Variants in NTRK2 observed in about 807,000 individuals in gnomAD.
NTRK2 encodes the protein BDNF/NT-3 growth factors receptor.
A neutral mutation model predicts 94.5 loss-of-function variants in NTRK2; 13 were observed. That is an observed-to-expected ratio of 0.14 (90% CI 0.09 to 0.22). The LOEUF (loss-of-function observed/expected upper bound fraction) is 0.22, where lower values mean the gene tolerates loss of function less well. NTRK2 is among the 10% of genes least tolerant of loss of function. The pLI, the probability that NTRK2 is intolerant of heterozygous loss-of-function variation, is 1.00. For synonymous variants in NTRK2, 372 were observed against 407.4 expected (o/e 0.91, Z 1.05); for missense variants, 639 against 1,071.2 (o/e 0.60, Z 5.63).
At chr9:84,832,606 G>A (rs945382069) in intron 12 of NTRK2, among the ~76,000 whole-genome samples, 3 of 152,152 alleles carry the variant, frequency 2.0e-5, no homozygotes, top group Admixed American at 1.3e-4. Flanking sequence ...TCGTTGTTGC[G>A]TGTGATAAAC....
At chr9:84,813,521 T>C (rs1407247815) in intron 12 of NTRK2, 2 of 1,065,294 alleles carry the variant, frequency 1.9e-6, no homozygotes, top group Non-Finnish European at 2.3e-6. Context: ...GACATTGCCA[T>C]TGAGGGCTTT....
At chr9:84,668,913 A>C (rs558270267), upstream of NTRK2, 4 of 152,208 alleles carry the variant, frequency 2.6e-5, no homozygotes, top group African/African-American at 9.6e-5. Flanking sequence ...GCGGCGCCAC[A>C]CATCGGACAG....
At chr9:85,019,833 A>C (rs1241884770) in intron 17 of NTRK2, among the ~76,000 whole-genome samples, 1 of 152,200 alleles carries the variant, frequency 6.6e-6, no homozygotes, top group East Asian at 1.9e-4. Context: ...TTGGATGCAG[A>C]GTACCTCTTT....
At chr9:84,803,421 G>T (rs376899970) in intron 12 of NTRK2, among the ~76,000 whole-genome samples, 1 of 152,224 alleles carries the variant, frequency 6.6e-6, no homozygotes, top group African/African-American at 2.4e-5. Flanking sequence ...CTGCAGCAGC[G>T]TCAGAAGCAG....
intron 12 of NTRK2, among the ~76,000 whole-genome samples, chr9:84,842,272 C>A (rs145670248): frequency 2.6e-5 from 4 of 152,284 alleles, no homozygotes; most frequent in African/African-American, 9.6e-5. Flanking sequence ...TACTCTTCAC[C>A]CTCCTGATCT....
At chr9:84,810,473 A>G (rs1191395761) in intron 12 of NTRK2, 5 of 1,354,540 alleles carry the variant, frequency 3.7e-6, no homozygotes, top group East Asian at 2.4e-5. Context: ...AAGTTATTGT[A>G]CTTGTATGTT....
chr9:84,965,348 C>G (rs912593117), intron 17 of NTRK2, among the ~76,000 whole-genome samples: 2 of 152,146 alleles, frequency 1.3e-5, no homozygotes, highest in African/African-American at 2.4e-5. Flanking sequence ...GTATTCTGTT[C>G]CCCAAGGAAA....
intron 12 of NTRK2, among the ~76,000 whole-genome samples, chr9:84,797,760 C>G (rs1420658374): frequency 7.2e-5 from 1 of 13,822 alleles, no homozygotes; most frequent in African/African-American, 2.1e-4. Flanking sequence ...ATTATATATA[C>G]TATAATAATA....
intron 17 of NTRK2, among the ~76,000 whole-genome samples, chr9:85,018,989 G>T (rs1478396810): frequency 6.6e-6 from 1 of 152,122 alleles, no homozygotes; most frequent in Non-Finnish European, 1.5e-5. Flanking sequence ...AGAGAAGAAT[G>T]AAATAAAATA....
chr9:84,867,425 G>A lies in NTRK2; in HGVS notation c.1627G>A (p.Asp543Asn), dbSNP rs2132061278. ...FGITNSQLKP[D>N]TFVQHIKRHN... ...CATCACCAACAGTCAGCTCAAGCCA[G>A]ACACATGTAAGTACAGCTGTTTGTA... Residue 543 changes from aspartate (D) to asparagine (N), a missense_variant, in exon 14 of 19, where the codon GAC becomes AAC. By Grantham distance (23) the Asp-to-Asn change is conservative (BLOSUM62 1). This residue lies in a region of NTRK2 where 343 missense variants were observed against 571.5 expected (regional missense o/e 0.60). Transcript: ENST00000277120. The A allele has an allele frequency of 1.2e-6, 2 of 1,613,370 alleles. No homozygotes were observed. Among genetic ancestry groups the A allele is most frequent in the South Asian group, 2.2e-5 (2 of 91,042 alleles).
rs74386550 is a variant in NTRK2, at chr9:84,855,248, A to C, written c.1397-5792A>C. Among the ~76,000 whole-genome samples, 708 of 152,314 alleles carry C rather than the reference A, an allele frequency of 4.6e-3. 13 individuals carry two copies. The highest frequency in any genetic ancestry group is 0.038 in the Admixed American group (576 of 15,292). On this transcript the variant is annotated intron_variant, in intron 12 of 18. Coordinates refer to ENST00000277120, the MANE Select transcript of NTRK2 (RefSeq NM_006180.6). ...CTCATGGGAAACAGATTGGGGGAGG[A>C]AAGAATGAAGCAGTGAGCTAAGTTA... is the stretch of plus-strand genomic sequence containing the variant.
chr9:84,885,248 C>T (rs1462978068), intron 14 of NTRK2, among the ~76,000 whole-genome samples: 1 of 152,106 alleles, frequency 6.6e-6, no homozygotes, highest in Non-Finnish European at 1.5e-5. Flanking sequence ...CCTGAAAGAC[C>T]AGAGGCCTGT....
At chr9:84,995,639 T>C (rs989297980) in intron 17 of NTRK2, among the ~76,000 whole-genome samples, 4 of 152,176 alleles carry the variant, frequency 2.6e-5, no homozygotes, top group African/African-American at 4.8e-5. Flanking sequence ...TACCTGAGAA[T>C]TGGACATCAG....
At chr9:84,707,128 G>C (rs2061153034) in intron 4 of NTRK2, among the ~76,000 whole-genome samples, 1 of 151,936 alleles carries the variant, frequency 6.6e-6, no homozygotes, top group Non-Finnish European at 1.5e-5. Flanking sequence ...CTCTTTTATA[G>C]AATCAAATTA....
At chr9:84,971,037 G>C (rs1358532841) in intron 17 of NTRK2, among the ~76,000 whole-genome samples, 1 of 152,168 alleles carries the variant, frequency 6.6e-6, no homozygotes, top group South Asian at 2.1e-4. Context: ...ATTGTCAAAA[G>C]GAGCAGGCTG....
intron 8 of NTRK2, among the ~76,000 whole-genome samples, chr9:84,726,585 A>AT (rs991024197): frequency 6.6e-6 from 1 of 152,168 alleles, no homozygotes; most frequent in Non-Finnish European, 1.5e-5. Flanking sequence ...AATACCTTAG[A>AT]TTTTTTTCTC....
chr9:84,674,217 A>T (rs946037247), intron 2 of NTRK2, among the ~76,000 whole-genome samples: 1 of 152,248 alleles, frequency 6.6e-6, no homozygotes, highest in East Asian at 1.9e-4. Flanking sequence ...TTTATGTTGC[A>T]CGTGCTTTAT....
intron 12 of NTRK2, among the ~76,000 whole-genome samples, chr9:84,837,741 T>A (rs1002558661): frequency 6.6e-6 from 1 of 152,222 alleles, no homozygotes; most frequent in South Asian, 2.1e-4. Flanking sequence ...TCTCAAGTGA[T>A]TTAGGTGTTG....
rs192495368 is a variant in NTRK2, at chr9:84,980,563, T to C, written c.2172+25046T>C. 1.6e-4 allele frequency among the ~76,000 whole-genome samples: 25 copies of C among 152,310 alleles called. 1 individual carries two copies. Among genetic ancestry groups the C allele is most frequent in the Admixed American group, 1.0e-3 (16 of 15,294 alleles). ...GAGAAGATAATGATTAAATGAGAAA[T>C]TGTGCAAATTCCTAAATAAAACACT... is the stretch of plus-strand genomic sequence containing the variant. On this transcript the variant is annotated intron_variant, in intron 17 of 18. Transcript: ENST00000277120.
Sources: allele counts gnomAD v4.1 joint callset (sites outside exome capture counted in the v4.1 genomes callset), GRCh38; gene constraint gnomAD v4.1.1; regional missense constraint gnomAD v4.1.1; transcripts MANE v1.5; gene names NCBI Gene and HGNC (gene_info 2026-07-23, HGNC 2026-07-21).